The following HPGDS variants were observed in gnomAD, a reference collection of about 807,000 sequenced individuals.
The protein encoded by HPGDS is GST class-sigma.
In HPGDS, 26 loss-of-function variants were observed where a neutral mutation model predicts 23.1. That is an observed-to-expected ratio of 1.13 (90% CI 0.83 to 1.56). The LOEUF is 1.56. Among genes scored for constraint, HPGDS ranks in the 40% most tolerant of loss-of-function variants. HPGDS has a pLI of 0.00. For synonymous variants in HPGDS, 95 were observed against 77.9 expected (o/e 1.22, Z -1.16); for missense variants, 268 against 236.4 (o/e 1.13, Z -0.88).
At position 94,308,550 on chromosome 4, in the gene HPGDS, TTAAGGAACTTTC is replaced by T. The variant is rs1423199405; in HGVS notation, c.336+72_336+83del. 7.7e-6 allele frequency: 5 copies of T among 649,198 alleles called. No homozygotes were observed. The African/African-American group carries it at 9.2e-5, about 12-fold the overall frequency. 40.2% of individuals were successfully genotyped at this position (649,198 alleles called of 1,614,324 possible). A position where few individuals can be genotyped will look rare whatever the true frequency, so the allele number is the denominator to read the frequency against. ...TAAAATTATACATATTCTTTTGATA[TTAAGGAACTTTC>T]TAAGGCACCTAACACAATGTCTGGC... On this transcript the variant is annotated intron_variant, in intron 4 of 5. Coordinates refer to ENST00000295256, the MANE Select transcript of HPGDS (RefSeq NM_014485.3).
intron 1 of HPGDS, among the ~76,000 whole-genome samples, chr4:94,340,072 C>A (rs1721107301): frequency 6.6e-6 from 1 of 151,966 alleles, no homozygotes; most frequent in East Asian, 1.9e-4. Context: ...CTGCCTCAGT[C>A]TCCCAAGTAG....
At chr4:94,306,786 GA>G (rs1360862958) in intron 4 of HPGDS, among the ~76,000 whole-genome samples, 1 of 152,050 alleles carries the variant, frequency 6.6e-6, no homozygotes, top group Non-Finnish European at 1.5e-5. Context: ...AAAGCCAAGA[GA>G]CGGGAAATAG....
At position 94,334,545 on chromosome 4, in the gene HPGDS, A is replaced by G. The variant is rs752821539; in HGVS notation, c.85T>C (p.Tyr29His). 1 of 1,613,184 alleles carries G rather than the reference A, an allele frequency of 6.2e-7. No individual in the cohort carries two copies. Among genetic ancestry groups the G allele is most frequent in the South Asian group, 1.1e-5 (1 of 90,942 alleles). Reference sequence around the variant, plus strand: ...GCTTGTTCTATTCTGTGGTCTTCATACTGTATGTCCAAATAAGCAAATATG... The same window carrying G: ...GCTTGTTCTATTCTGTGGTCTTCATGCTGTATGTCCAAATAAGCAAATATG... Reference protein sequence around the residue: ...RYIFAYLDIQYEDHRIEQADW... With the variant: ...RYIFAYLDIQHEDHRIEQADW... Residue 29 changes from tyrosine to histidine, a missense_variant, in exon 2 of 6, where the codon TAT (tyrosine) becomes CAT (histidine). Coordinates refer to ENST00000295256, the MANE Select transcript of HPGDS (RefSeq NM_014485.3).
chr4:94,309,834 A>G (rs1236374290), intron 3 of HPGDS, among the ~76,000 whole-genome samples: 2 of 152,124 alleles, frequency 1.3e-5, no homozygotes, highest in Non-Finnish European at 2.9e-5. Flanking sequence ...AACTGGTGTG[A>G]GATGGTATCT....
At chr4:94,333,738 G>T (rs1756774920) in intron 2 of HPGDS, among the ~76,000 whole-genome samples, 1 of 152,176 alleles carries the variant, frequency 6.6e-6, no homozygotes, top group Non-Finnish European at 1.5e-5. Context: ...GGCACTCAGT[G>T]AACTTATATT....
At chr4:94,328,425 T>G (rs1163197608) in intron 2 of HPGDS, among the ~76,000 whole-genome samples, 1 of 152,240 alleles carries the variant, frequency 6.6e-6, no homozygotes, top group African/African-American at 2.4e-5. Flanking sequence ...TTTGCACAAA[T>G]ATCGGACAGA....
At chr4:94,340,305 CTTTCTCTTT>C (rs1721120568) in intron 1 of HPGDS, among the ~76,000 whole-genome samples, 1 of 26,200 alleles carries the variant, frequency 3.8e-5, no homozygotes. Context: ...TTCTTTCTTT[CTTTCTCTTT>C]TTTTTTTTTT....
intron 4 of HPGDS, among the ~76,000 whole-genome samples, chr4:94,307,704 T>C (rs753935829): frequency 6.6e-6 from 1 of 152,144 alleles, no homozygotes; most frequent in Non-Finnish European, 1.5e-5. Context: ...TGACACTACG[T>C]TGACCTTGTG....
intron 1 of HPGDS, among the ~76,000 whole-genome samples, chr4:94,342,282 T>C (rs895705244): frequency 6.6e-6 from 1 of 152,142 alleles, no homozygotes; most frequent in Non-Finnish European, 1.5e-5. Flanking sequence ...CCTTAAACCA[T>C]CTCTGAAGCC....
rs1755973587 is a variant in HPGDS, at chr4:94,298,710, C to T, written c.*770G>A. 6.6e-6 allele frequency: 1 copy of T among 152,184 alleles called. No homozygotes were observed. The highest frequency in any genetic ancestry group is 1.5e-5 in the Non-Finnish European group (1 of 68,038). The allele number at this position is 152,184 out of a possible 1,614,324, so 9.4% of individuals were successfully genotyped here. A position where few individuals can be genotyped will look rare whatever the true frequency, so the allele number is the denominator to read the frequency against. On this transcript the variant is annotated 3_prime_UTR_variant, in exon 6 of 6. Coordinates refer to ENST00000295256, the MANE Select transcript of HPGDS (RefSeq NM_014485.3). ...ATCTACATTTTTCTCATCACAACAACTTTATTCATGTCAGTAAATTCATCT... is the reference window on the plus strand; with the variant it reads ...ATCTACATTTTTCTCATCACAACAATTTTATTCATGTCAGTAAATTCATCT...
In HPGDS at chr4:94,299,719, G is replaced by A. The variant is rs530061930; in HGVS notation, c.436-75C>T. The A allele has an allele frequency of 3.0e-6, 4 of 1,319,326 alleles. No homozygotes were observed. In the African/African-American group the frequency reaches 4.4e-5, roughly 15 times the overall value. The allele number at this position is 1,319,326 out of a possible 1,614,324, so 81.7% of individuals were successfully genotyped here. A position where few individuals can be genotyped will look rare whatever the true frequency, so the allele number is the denominator to read the frequency against. On this transcript the variant is annotated intron_variant, in intron 5 of 5. Coordinates refer to ENST00000295256, the MANE Select transcript of HPGDS (RefSeq NM_014485.3). ...TATCAGCATTCCAAAATTGAAATTA[G>A]TTTCTTAATCTAAAAGATTCAAAAC...
chr4:94,328,779 C>T (rs1001932307), intron 2 of HPGDS, among the ~76,000 whole-genome samples: 1 of 152,058 alleles, frequency 6.6e-6, no homozygotes, highest in African/African-American at 2.4e-5. Flanking sequence ...CACAACTTTC[C>T]CAACCAGTGC....
At chr4:94,318,066 G>C in intron 2 of HPGDS, 101 bp from the exon 3 acceptor site, 1 of 672,692 alleles carries the variant, frequency 1.5e-6, no homozygotes. Flanking sequence ...TGATTTTATG[G>C]AATCATGAAA....
chr4:94,306,538 T>C (rs532754462), intron 4 of HPGDS, among the ~76,000 whole-genome samples: 2 of 152,126 alleles, frequency 1.3e-5, no homozygotes, highest in South Asian at 4.1e-4. Context: ...GCTCAGGAAA[T>C]GACCGGATAT....
chr4:94,303,365 T>C (rs1355939469), intron 4 of HPGDS, among the ~76,000 whole-genome samples: 3 of 152,142 alleles, frequency 2.0e-5, no homozygotes, highest in East Asian at 1.9e-4. Context: ...AGATTTGGTA[T>C]GCTCAACCAG....
At chr4:94,306,696 T>G (rs1009913490) in intron 4 of HPGDS, among the ~76,000 whole-genome samples, 1 of 152,076 alleles carries the variant, frequency 6.6e-6, no homozygotes, top group Non-Finnish European at 1.5e-5. Flanking sequence ...AGCCTAAGAA[T>G]TTTTATAAAT....
chr4:94,317,319 A>G (rs1010735925), intron 3 of HPGDS, among the ~76,000 whole-genome samples: 5 of 152,076 alleles, frequency 3.3e-5, no homozygotes, highest in Admixed American at 6.6e-5. Context: ...AAAAACAAGA[A>G]CAGTTTCTAT....
chr4:94,334,634 C>A lies in HPGDS; in HGVS notation c.-5G>T, dbSNP rs1336129435. On this transcript the variant is annotated 5_prime_UTR_variant, in exon 2 of 6. Transcript: ENST00000295256. ...AGTGAGTTTGTAGTTTGGCATGGTG[C>A]AATTCTGGAAAAAGAAAAAGGGAGG... 6.2e-7 allele frequency: 1 copy of A among 1,608,076 alleles called. No homozygotes were observed.
intron 2 of HPGDS, among the ~76,000 whole-genome samples, chr4:94,324,737 C>A (rs745610890): frequency 6.6e-6 from 1 of 152,046 alleles, no homozygotes; most frequent in Non-Finnish European, 1.5e-5. Flanking sequence ...TTGTTACTAC[C>A]GACCTTCTGA....
Sources: allele counts gnomAD v4.1 joint callset (sites outside exome capture counted in the v4.1 genomes callset), GRCh38; gene constraint gnomAD v4.1.1; transcripts MANE v1.5; gene names NCBI Gene and HGNC (gene_info 2026-07-23, HGNC 2026-07-21).